Variants in PLEKHG4B observed in about 807,000 individuals in gnomAD.
The protein encoded by PLEKHG4B is pleckstrin homology and RhoGEF domain containing G4B, also known as pleckstrin homology domain-containing family G member 4B.
A neutral mutation model predicts 121.3 loss-of-function variants in PLEKHG4B; 111 were observed. The ratio of observed to expected loss-of-function variants is 0.92; its 90% CI spans 0.78 to 1.07. The LOEUF is 1.07. Among genes scored for constraint, PLEKHG4B ranks in the 50% least tolerant of loss-of-function variants. PLEKHG4B has a pLI of 0.00. For synonymous variants in PLEKHG4B, 738 were observed against 725.0 expected (o/e 1.02, Z -0.29); for missense variants, 1,831 against 1,757.8 (o/e 1.04, Z -0.74).
rs753521985 is a variant in PLEKHG4B, at chr5:162,807, C to T, written c.2735C>T (p.Ala912Val). The T allele has an allele frequency of 4.0e-5, 60 of 1,502,834 alleles. 1 individual carries two copies. The East Asian group carries it at 1.4e-3, about 35-fold the overall frequency. The allele number at this position is 1,502,834 out of a possible 1,614,324, so 93.1% of individuals were successfully genotyped here. Residue 912 changes from alanine to valine, a missense_variant, in exon 13 of 20, where the codon GCT (alanine) becomes GTT (valine). Coordinates refer to ENST00000637938, the MANE Select transcript of PLEKHG4B (RefSeq NM_052909.5). ...AECLRSCHQE[A>V]TSVAAEAFPG... is the part of the protein sequence containing the mutation. ...TGTTTGAGGAGCTGTCACCAGGAGG[C>T]TACCTCGGTGGCTGCAGAGGCCTTC...
chr5:100,051 C>T (rs894616457), intron 1 of PLEKHG4B, among the ~76,000 whole-genome samples: 6 of 152,092 alleles, frequency 3.9e-5, no homozygotes, highest in African/African-American at 1.5e-4. Context: ...TTGAAGAACG[C>T]TTGCATTCCA....
At chr5:99,996 T>A (rs955219202) in intron 1 of PLEKHG4B, among the ~76,000 whole-genome samples, 4 of 152,138 alleles carry the variant, frequency 2.6e-5, no homozygotes, top group African/African-American at 4.8e-5. Flanking sequence ...AGCTTTTTCC[T>A]TTGTTCTGTT....
At chr5:99,954 G>A (rs1032270064) in intron 1 of PLEKHG4B, among the ~76,000 whole-genome samples, 13 of 152,084 alleles carry the variant, frequency 8.5e-5, no homozygotes, top group Non-Finnish European at 1.6e-4. Flanking sequence ...TTTGTCAGAT[G>A]CCTGTTCTGT....
intron 3 of PLEKHG4B, among the ~76,000 whole-genome samples, chr5:141,627 G>T (rs1317236624): frequency 6.6e-6 from 1 of 151,598 alleles, no homozygotes; most frequent in Non-Finnish European, 1.5e-5. Flanking sequence ...CCAAGGGTTA[G>T]GAGAGAAAAT....
intron 11 of PLEKHG4B, among the ~76,000 whole-genome samples, chr5:158,977 T>C (rs537666266): frequency 5.9e-5 from 9 of 152,340 alleles, no homozygotes; most frequent in African/African-American, 2.2e-4. Context: ...TCCACCTTCA[T>C]GGCCAGCAGT....
At chr5:169,095 C>T (rs916808617) in intron 13 of PLEKHG4B, 50 of 521,890 alleles carry the variant, frequency 9.6e-5, no homozygotes, top group African/African-American at 2.5e-4. Context: ...AGGCTGGTCT[C>T]GATCTCTTGA....
chr5:156,047 C>G lies in PLEKHG4B; in HGVS notation c.2209-24C>G. 2 of 1,550,714 alleles carry G rather than the reference C, an allele frequency of 1.3e-6. No individual in the cohort carries two copies. Among genetic ancestry groups the G allele is most frequent in the Non-Finnish European group, 1.7e-6 (2 of 1,145,764 alleles). On this transcript the variant is annotated intron_variant, in intron 9 of 19. Transcript: ENST00000637938. The surrounding 1 kb of genome is among the most constrained non-coding windows in gnomAD (Gnocchi z 4.4). Reference sequence around the variant, plus strand: ...GCCCCTTGGAGGAGGGAGTTAAAGGCTTATTCCTCCCCATCCCGTGCAGGA... The same window carrying G: ...GCCCCTTGGAGGAGGGAGTTAAAGGGTTATTCCTCCCCATCCCGTGCAGGA...
intron 17 of PLEKHG4B, 49 bp downstream of exon 17, chr5:173,116 AG>A: frequency 6.3e-7 from 1 of 1,585,534 alleles, no homozygotes; most frequent in Non-Finnish European, 8.6e-7. Context: ...AGGCCCTCCA[AG>A]GGGGTCTCGG....
intron 16 of PLEKHG4B, among the ~76,000 whole-genome samples, chr5:172,418 G>A (rs1736589042): frequency 6.6e-6 from 1 of 152,232 alleles, no homozygotes; most frequent in South Asian, 2.1e-4. Context: ...TGGGGACGAG[G>A]GAGGAGCTGT....
chr5:132,478 T>TAAAAGGGTTTTTTAGACCAAGAA (rs1430942685), intron 2 of PLEKHG4B, among the ~76,000 whole-genome samples: 1 of 152,220 alleles, frequency 6.6e-6, no homozygotes, highest in Non-Finnish European at 1.5e-5. Context: ...AGCCAATGTC[T>TAAAAGGGTTTTTTAGACCAAGAA]AAAAGGGTTT....
Position 154,952 on chromosome 5 carries a change from C to T in PLEKHG4B, c.2070C>T (p.Ser690=). 2.5e-6 allele frequency: 4 copies of T among 1,613,666 alleles called. No homozygotes were observed. The highest frequency in any genetic ancestry group is 3.4e-6 in the Non-Finnish European group (4 of 1,180,042). The part of the protein sequence containing the change: ...SCQLTADLDG[S]FPYSHGDWIC... The stretch of plus-strand genomic sequence containing the variant: ...AGCTGACCGCAGACCTCGACGGCTC[C>T]TTTCCCTACAGCCATGGTGACTGGA... The change falls in exon 8 of 20, where the codon TCC becomes TCT. Residue 690 remains serine, a synonymous_variant. Coordinates refer to ENST00000637938, the MANE Select transcript of PLEKHG4B (RefSeq NM_052909.5).
At chr5:121,063 G>A (rs1053576773) in intron 2 of PLEKHG4B, among the ~76,000 whole-genome samples, 3 of 151,910 alleles carry the variant, frequency 2.0e-5, no homozygotes, top group Admixed American at 6.6e-5. Context: ...TGGCTAACAC[G>A]GTGAAACTCC....
At chr5:175,018 A>T (rs919817542) in intron 18 of PLEKHG4B, among the ~76,000 whole-genome samples, 9 of 152,060 alleles carry the variant, frequency 5.9e-5, no homozygotes, top group Non-Finnish European at 1.3e-4. Context: ...TCAGCACTTG[A>T]CAAGAAAGCT....
Position 157,103 on chromosome 5 carries a change from A to C in PLEKHG4B, c.2487+192A>C. ...ATAAATTTTATTTTTTACGTGAGAGATACTGGATCAGTGGAGAAAAAAAAT... is the reference window on the plus strand; with the variant it reads ...ATAAATTTTATTTTTTACGTGAGAGCTACTGGATCAGTGGAGAAAAAAAAT... On this transcript the variant is annotated intron_variant, in intron 11 of 19. Coordinates refer to ENST00000637938, the MANE Select transcript of PLEKHG4B (RefSeq NM_052909.5). This position sits in a 1 kb window ranked among gnomAD's most constrained non-coding sequence, Gnocchi z 4.6. The C allele has an allele frequency of 1.2e-6, 1 of 859,030 alleles. No individual in the cohort carries two copies. Among genetic ancestry groups the C allele is most frequent in the Non-Finnish European group, 1.8e-6 (1 of 561,272 alleles). 53.2% of individuals were successfully genotyped at this position (859,030 alleles called of 1,614,324 possible). A position where few individuals can be genotyped will look rare whatever the true frequency, so the allele number is the denominator to read the frequency against.
intron 2 of PLEKHG4B, among the ~76,000 whole-genome samples, chr5:127,998 C>G (rs1170563046): frequency 6.6e-6 from 1 of 152,108 alleles, no homozygotes; most frequent in Non-Finnish European, 1.5e-5. Flanking sequence ...CTTCTAAAGA[C>G]CTGGGGTCAA....
Position 113,393 on chromosome 5 carries a change from C to G in PLEKHG4B, c.188C>G (p.Thr63Ser). 1 of 399,122 alleles carries G rather than the reference C, an allele frequency of 2.5e-6. No homozygotes were observed. Among genetic ancestry groups the G allele is most frequent in the Non-Finnish European group, 4.4e-6 (1 of 226,140 alleles). 24.7% of individuals were successfully genotyped at this position (399,122 alleles called of 1,614,324 possible). A position where few individuals can be genotyped will look rare whatever the true frequency, so the allele number is the denominator to read the frequency against. Reference sequence around the variant, plus strand: ...GGTGGGGACGGGCTGCACTGCCTCACCAGCTTCCTCCTCCCAGCCAAGAGG... The same window carrying G: ...GGTGGGGACGGGCTGCACTGCCTCAGCAGCTTCCTCCTCCCAGCCAAGAGG... ...CHGGDGLHCL[T>S]SFLLPAKRAL... Residue 63 changes from threonine to serine, a missense_variant, in exon 2 of 20, where the codon ACC becomes AGC. By Grantham distance (58) the Thr-to-Ser change is moderately conservative. Transcript: ENST00000637938. This position sits in a 1 kb window ranked among gnomAD's most constrained non-coding sequence, Gnocchi z 5.2.
chr5:171,247 C>T lies in PLEKHG4B; in HGVS notation c.3853C>T (p.Leu1285=), dbSNP rs1225979925. 1 of 1,607,832 alleles carries T rather than the reference C, an allele frequency of 6.2e-7. No individual in the cohort carries two copies. Among genetic ancestry groups the T allele is most frequent in the African/African-American group, 1.3e-5 (1 of 74,848 alleles). ...GCGGGAGCTAGGTGACAAAATGGAC[C>T]TGGCCTCCTACCTGCTGCGGCCCGT... The part of the protein sequence containing the change: ...KQRELGDKMD[L]ASYLLRPVQR... Residue 1285 remains leucine (L), a synonymous_variant, in exon 16 of 20, where the codon CTG becomes TTG. Coordinates refer to ENST00000637938, the MANE Select transcript of PLEKHG4B (RefSeq NM_052909.5).
At chr5:118,956 T>A (rs1734386933) in intron 2 of PLEKHG4B, among the ~76,000 whole-genome samples, 1 of 151,946 alleles carries the variant, frequency 6.6e-6, no homozygotes, top group African/African-American at 2.4e-5. Context: ...GCTCAAGCGA[T>A]CCTCCCACCT....
intron 7 of PLEKHG4B, among the ~76,000 whole-genome samples, chr5:154,478 C>A (rs1052827881): frequency 6.6e-6 from 1 of 152,186 alleles, no homozygotes; most frequent in Non-Finnish European, 1.5e-5. Context: ...CAACAATGAG[C>A]CTGACTTGGC....
Sources: gnomAD v4.1 joint callset for allele counts (sites outside exome capture counted in the v4.1 genomes callset) on GRCh38, gnomAD v4.1.1 for gene constraint, Gnocchi (gnomAD v3.1) non-coding constraint, MANE v1.5 for transcripts, NCBI Gene and HGNC (gene_info 2026-07-23, HGNC 2026-07-21) for gene names.